RTKN: variants seen among roughly 807,000 people sequenced by gnomAD.
RTKN encodes rhotekin.
In RTKN, 49 loss-of-function variants were observed where a neutral mutation model predicts 63.5. That is an observed-to-expected ratio of 0.77 (90% confidence interval 0.61 to 0.98). RTKN has a LOEUF of 0.98. RTKN is among the 50% of genes least tolerant of loss of function. The pLI is 0.00. For missense variants in RTKN, 685 were observed against 740.8 expected (o/e 0.92, Z 0.87); for synonymous variants, 295 against 290.4 (o/e 1.02, Z -0.16).
In RTKN at chr2:74,441,781, C is replaced by T. The variant is rs1572906813; in HGVS notation, c.36G>A (p.Val12=). ...CCATCTCCAGGGCGGAGCCCCTGGC[C>T]ACGGTGACCCGGCTCCGGTGGTTTC... ...FSRNHRSRVT[V]ARGSALEMEF... is the part of the protein sequence containing the mutation. Residue 12 remains valine (V), a synonymous_variant, in exon 1 of 12, where the codon GTG becomes GTA. Coordinates refer to ENST00000272430, the MANE Select transcript of RTKN (RefSeq NM_001015055.2). 6.2e-7 allele frequency: 1 copy of T among 1,611,840 alleles called. No individual in the cohort carries two copies.
At chr2:74,426,643 C>G in intron 11 of RTKN, 69 bp from the exon 12 acceptor site, 1 of 1,492,746 alleles carries the variant, frequency 6.7e-7, no homozygotes, top group Non-Finnish European at 8.9e-7. Context: ...CCTACCCAGC[C>G]CTATCACCTG....
In RTKN at chr2:74,430,167, C is replaced by G. The variant is rs1573244232; in HGVS notation, c.545+85G>C. The G allele has an allele frequency of 2.0e-6, 3 of 1,519,376 alleles. No homozygotes were observed. The East Asian group carries it at 6.8e-5, about 34-fold the overall frequency. The allele number at this position is 1,519,376 out of a possible 1,614,324, so 94.1% of individuals were successfully genotyped here. ...GTGCCCCTCCTCTCCACCCTGCCCC[C>G]ATCCCAGCTTCCTCCCCTGGAACTC... On this transcript the variant is annotated intron_variant, in intron 5 of 11. Transcript: ENST00000272430.
rs748197311 is a variant in RTKN, at chr2:74,426,197, G to A, written c.*46C>T. 1 of 1,550,046 alleles carries A rather than the reference G, an allele frequency of 6.5e-7. No individual in the cohort carries two copies. The highest frequency in any genetic ancestry group is 8.9e-7 in the Non-Finnish European group (1 of 1,126,098). On this transcript the variant is annotated 3_prime_UTR_variant, in exon 12 of 12. Transcript: ENST00000272430. ...CGTATCCAGAGCCCAACTGCGCATG[G>A]GTCATTTTCTCTTCTGGGCAGATCC...
rs1490241972 is a variant in RTKN at position 74,441,832 on chromosome 2, A to T, written c.-16T>A. On this transcript the variant is annotated 5_prime_UTR_variant, in exon 1 of 12. Transcript: ENST00000272430. ...GGGAGAACATGCTGGCGGCCCTGCGACTTTGCCTGCTCAGTGCGCTCCCCG... is the reference window on the plus strand; with the variant it reads ...GGGAGAACATGCTGGCGGCCCTGCGTCTTTGCCTGCTCAGTGCGCTCCCCG... The T allele has an allele frequency of 3.8e-6, 6 of 1,558,760 alleles. No individual in the cohort carries two copies. The Admixed American group carries it at 1.0e-4, about 27-fold the overall frequency.
chr2:74,426,628 C>T, intron 11 of RTKN, 54 bp from the exon 12 acceptor site: 1 of 1,500,066 alleles, frequency 6.7e-7, no homozygotes, highest in East Asian at 2.3e-5. Flanking sequence ...AGCTCAGGCC[C>T]CAAGCCTACC....
chr2:74,440,451 G>T, intron 1 of RTKN: 1 of 986,858 alleles, frequency 1.0e-6, no homozygotes, highest in Non-Finnish European at 1.2e-6. Flanking sequence ...TTCCCTTCCA[G>T]ACAGGAAACC....
intron 1 of RTKN, chr2:74,439,848 C>A: frequency 7.3e-7 from 1 of 1,362,676 alleles, no homozygotes; most frequent in South Asian, 1.8e-5. Context: ...GGGGCCCTGC[C>A]GGGAGCCAGG....
At chr2:74,430,131 G>T (rs1670663256) in intron 5 of RTKN, 94 bp from the exon 6 acceptor site, 8 of 1,520,520 alleles carry the variant, frequency 5.3e-6, no homozygotes, top group Admixed American at 1.7e-5. Context: ...CAGCTCCACA[G>T]AGAAGGCCAG....
chr2:74,428,923 A>G lies in RTKN; in HGVS notation c.775T>C (p.Leu259=), dbSNP rs764374844. The change falls in exon 7 of 12, where the codon TTG becomes CTG. Residue 259 remains leucine (L), a synonymous_variant. Transcript: ENST00000272430. ...GCCAGGGTGAGTGTGGTGTGAGCCA[A>G]GAGGTGGTAACGAGGACCACTGAGG... ...PVVGGPRYHL[L]AHTTLTLAAV... is the part of the protein sequence containing the mutation. 2 of 1,613,990 alleles carry G rather than the reference A, an allele frequency of 1.2e-6. No individual in the cohort carries two copies. Among genetic ancestry groups the G allele is most frequent in the East Asian group, 2.2e-5 (1 of 44,890 alleles).
intron 6 of RTKN, 142 bp downstream of exon 6, chr2:74,429,686 C>G (rs1490734194): frequency 5.1e-6 from 4 of 788,272 alleles, no homozygotes; most frequent in Non-Finnish European, 8.2e-6. Context: ...TGCCTCCCAG[C>G]TACGTGGCCA....
At chr2:74,440,342 C>G in intron 1 of RTKN, 7 of 986,190 alleles carry the variant, frequency 7.1e-6, no homozygotes, top group Non-Finnish European at 8.4e-6. Flanking sequence ...CCACCCTGGG[C>G]TCACAATTAC....
Position 74,428,627 on chromosome 2 carries a change from T to G in RTKN, c.957+4A>C, listed in dbSNP as rs1172278944. The stretch of plus-strand genomic sequence containing the variant: ...CTCCCTTCCACTCCTCAGGGCCCCC[T>G]CACCTGCACCCTGAGGGTACCACTT... On this transcript the variant is annotated splice_donor_region_variant and intron_variant, in intron 8 of 11. Coordinates refer to ENST00000272430, the MANE Select transcript of RTKN (RefSeq NM_001015055.2). 1 of 1,610,962 alleles carries G rather than the reference T, an allele frequency of 6.2e-7. No individual in the cohort carries two copies. Among genetic ancestry groups the G allele is most frequent in the Non-Finnish European group, 8.5e-7 (1 of 1,178,012 alleles).
rs1426143559 is a variant in RTKN at position 74,441,859 on chromosome 2, G to A, written c.-43C>T. ...TTTGCCTGCTCAGTGCGCTCCCCGC[G>A]CCGCCCGGCTTAGCCTCCTCTCCTC... On this transcript the variant is annotated 5_prime_UTR_variant, in exon 1 of 12. Coordinates refer to ENST00000272430, the MANE Select transcript of RTKN (RefSeq NM_001015055.2). 4.6e-6 allele frequency: 6 copies of A among 1,314,184 alleles called. No individual in the cohort carries two copies. The East Asian group carries it at 9.5e-5, about 21-fold the overall frequency. 81.4% of individuals were successfully genotyped at this position (1,314,184 alleles called of 1,614,324 possible).
intron 1 of RTKN, chr2:74,439,755 G>T: frequency 1.3e-6 from 2 of 1,511,886 alleles, no homozygotes; most frequent in Non-Finnish European, 1.8e-6. Context: ...TTGGGCAGAG[G>T]GCAGAAGCTG....
In RTKN at chr2:74,436,604, G is replaced by C. The variant is rs1156316175; in HGVS notation, c.112-3938C>G. Among the ~76,000 whole-genome samples, 1 of 152,196 alleles carries C rather than the reference G, an allele frequency of 6.6e-6. No homozygotes were observed. Among genetic ancestry groups the C allele is most frequent in the Non-Finnish European group, 1.5e-5 (1 of 68,020 alleles). On this transcript the variant is annotated intron_variant, in intron 1 of 11. Coordinates refer to ENST00000272430, the MANE Select transcript of RTKN (RefSeq NM_001015055.2). This position sits in a 1 kb window ranked among gnomAD's most constrained non-coding sequence, Gnocchi z 4.3. Reference sequence around the variant, plus strand: ...CTCCAAGGTGACCCCTTGCCTGAGAGTATGGAGGGCGAATAGTGTATAAAT... The same window carrying C: ...CTCCAAGGTGACCCCTTGCCTGAGACTATGGAGGGCGAATAGTGTATAAAT...
chr2:74,425,919 A>G lies in RTKN; in HGVS notation c.*324T>C. On this transcript the variant is annotated 3_prime_UTR_variant, in exon 12 of 12. Transcript: ENST00000272430. The stretch of plus-strand genomic sequence containing the variant: ...AACTTTAATGGTTGATGTGGGAGTC[A>G]CAAGGGAGGTATGTTTGCTCCAAGG... 1 of 758,948 alleles carries G rather than the reference A, an allele frequency of 1.3e-6. No individual in the cohort carries two copies. The highest frequency in any genetic ancestry group is 2.1e-6 in the Non-Finnish European group (1 of 481,100). 47.0% of individuals were successfully genotyped at this position (758,948 alleles called of 1,614,324 possible).
chr2:74,427,340 C>T lies in RTKN; in HGVS notation c.1256-67G>A, dbSNP rs1241731168. On this transcript the variant is annotated intron_variant, in intron 10 of 11. Coordinates refer to ENST00000272430, the MANE Select transcript of RTKN (RefSeq NM_001015055.2). Reference sequence around the variant, plus strand: ...CTTTCTCCTGCTACATTCCCTTCCACATAATCTTGAAACAGAGGCCTTTAG... The same window carrying T: ...CTTTCTCCTGCTACATTCCCTTCCATATAATCTTGAAACAGAGGCCTTTAG... 13 of 1,607,756 alleles carry T rather than the reference C, an allele frequency of 8.1e-6. No individual in the cohort carries two copies. In the East Asian group the frequency reaches 2.2e-4, roughly 28 times the overall value.
rs909670336 is a variant in RTKN at position 74,436,174 on chromosome 2, C to T, written c.112-3508G>A. On this transcript the variant is annotated intron_variant, in intron 1 of 11. Transcript: ENST00000272430. The surrounding 1 kb of genome is among the most constrained non-coding windows in gnomAD (Gnocchi z 4.3). ...ACCCCCATCTTGGCTAGTCTCATCC[C>T]AGTCCCAGCACTCACGGATCCTTCC... Among the ~76,000 whole-genome samples, 2 of 152,250 alleles carry T rather than the reference C, an allele frequency of 1.3e-5. No individual in the cohort carries two copies. The highest frequency in any genetic ancestry group is 4.8e-5 in the African/African-American group (2 of 41,472).
chr2:74,440,726 C>G (rs1407184442), intron 1 of RTKN: 1 of 192,816 alleles, frequency 5.2e-6, no homozygotes, highest in African/African-American at 2.4e-5. Context: ...GCGACAAAGG[C>G]CCCCTCTCCC....
Sources: gnomAD v4.1 joint callset for allele counts (sites outside exome capture counted in the v4.1 genomes callset) on GRCh38, gnomAD v4.1.1 for gene constraint, Gnocchi (gnomAD v3.1) non-coding constraint, MANE v1.5 for transcripts, NCBI Gene and HGNC (gene_info 2026-07-23, HGNC 2026-07-21) for gene names.